The following CFAP45 variants were observed in gnomAD, a reference collection of about 807,000 sequenced individuals.
CFAP45 encodes cilia- and flagella-associated protein 45.
CFAP45 carries 43 observed loss-of-function variants against 75.6 expected under a neutral mutation model. The ratio of observed to expected loss-of-function variants is 0.57; its 90% CI spans 0.45 to 0.73. The LOEUF (loss-of-function observed/expected upper bound fraction) is 0.73. Among genes scored for constraint, CFAP45 ranks in the 30% least tolerant of loss-of-function variants. The pLI, the probability that CFAP45 is intolerant of heterozygous loss-of-function variation, is 0.00. For synonymous variants in CFAP45, 223 were observed against 244.6 expected (o/e 0.91, Z 0.82); for missense variants, 689 against 701.5 (o/e 0.98, Z 0.20).
At chr1:159,880,822 C>T (rs1488732346) in intron 7 of CFAP45, 122 bp from the exon 8 acceptor site, 3 of 821,828 alleles carry the variant, frequency 3.7e-6, no homozygotes, top group Non-Finnish European at 5.6e-6. Flanking sequence ...GTCTAGTGTC[C>T]ACAACTATCC....
chr1:159,873,126 C>G lies in CFAP45; in HGVS notation c.1395G>C (p.Glu465Asp). The G allele has an allele frequency of 1.9e-6, 3 of 1,614,136 alleles. No individual in the cohort carries two copies. Among genetic ancestry groups the G allele is most frequent in the South Asian group, 2.2e-5 (2 of 91,088 alleles). The change falls in exon 11 of 12, where the codon GAG (glutamate) becomes GAC (aspartate). Residue 465 changes from glutamate to aspartate, a missense_variant. Transcript: ENST00000368099. ...EQIEKERLEE[E>D]KKATGRLQHA... ...GCTGTAAGCGCCCTGTGGCCTTTTTCTCCTCCTCCAGCCGCTCCTTCTCAA... is the reference window on the plus strand; with the variant it reads ...GCTGTAAGCGCCCTGTGGCCTTTTTGTCCTCCTCCAGCCGCTCCTTCTCAA...
chr1:159,879,666 C>T (rs1446658635), intron 8 of CFAP45, among the ~76,000 whole-genome samples: 1 of 152,134 alleles, frequency 6.6e-6, no homozygotes, highest in Middle Eastern at 3.2e-3. Flanking sequence ...AAGTGAGCTT[C>T]GCTGAGCTTC....
intron 5 of CFAP45, 84 bp from the exon 6 acceptor site, chr1:159,886,773 G>T (rs1454839925): frequency 1.4e-5 from 15 of 1,106,024 alleles, no homozygotes; most frequent in Non-Finnish European, 1.9e-5. Flanking sequence ...ATGCTATACT[G>T]CTGAGCATGC....
In CFAP45 at chr1:159,893,322, A is replaced by G. The variant is rs764766344; in HGVS notation, c.4-17T>C. Reference sequence around the variant, plus strand: ...GCTTAGTGGCTGCAGGAAGAGGCAGAAAGTTTGGGTCATCAGTACTGAGTG... The same window carrying G: ...GCTTAGTGGCTGCAGGAAGAGGCAGGAAGTTTGGGTCATCAGTACTGAGTG... On this transcript the variant is annotated splice_polypyrimidine_tract_variant and intron_variant, in intron 1 of 11. Coordinates refer to ENST00000368099, the MANE Select transcript of CFAP45 (RefSeq NM_012337.3). 1 of 1,611,928 alleles carries G rather than the reference A, an allele frequency of 6.2e-7. No homozygotes were observed. The highest frequency in any genetic ancestry group is 8.5e-7 in the Non-Finnish European group (1 of 1,179,400).
intron 7 of CFAP45, 116 bp from the exon 8 acceptor site, chr1:159,880,816 AG>A (rs1269508001): frequency 1.1e-6 from 1 of 906,600 alleles, no homozygotes; most frequent in South Asian, 1.7e-5. Flanking sequence ...CCTGCAGTCT[AG>A]TGTCCACAAC....
intron 8 of CFAP45, among the ~76,000 whole-genome samples, 175 bp downstream of exon 8, chr1:159,880,379 C>A (rs1248130604): frequency 2.0e-5 from 3 of 152,208 alleles, no homozygotes; most frequent in African/African-American, 7.2e-5. Flanking sequence ...TGTTAACGAA[C>A]AAGTGGACTG....
Position 159,884,518 on chromosome 1 carries a change from C to A in CFAP45, c.815G>T (p.Arg272Leu), listed in dbSNP as rs41264829. ...VEQMEKNQEE[R>L]SLLAEQREQE... Reference sequence around the variant, plus strand: ...CTCCCGCTGCTCAGCAAGCAGCGATCGCTCCTCCTGGTTCTTTTCCATCTG... The same window carrying A: ...CTCCCGCTGCTCAGCAAGCAGCGATAGCTCCTCCTGGTTCTTTTCCATCTG... The change falls in exon 7 of 12, where the codon CGA becomes CTA. Residue 272 changes from arginine (R) to leucine (L), a missense_variant. Coordinates refer to ENST00000368099, the MANE Select transcript of CFAP45 (RefSeq NM_012337.3). The A allele has an allele frequency of 2.4e-5, 38 of 1,613,666 alleles. No individual in the cohort carries two copies. In the East Asian group the frequency reaches 8.5e-4, roughly 36 times the overall value.
chr1:159,884,977 G>A (rs1298631924), intron 6 of CFAP45, among the ~76,000 whole-genome samples: 1 of 152,096 alleles, frequency 6.6e-6, no homozygotes, highest in Non-Finnish European at 1.5e-5. Flanking sequence ...ACAAACCCAG[G>A]GTGTACAAGC....
In CFAP45 at chr1:159,873,119, C is replaced by A. The variant is rs1383072854; in HGVS notation, c.1402G>T (p.Ala468Ser). ...EKERLEEEKK[A>S]TGRLQHANEL... is the part of the protein sequence containing the mutation. ...TTGGCATGCTGTAAGCGCCCTGTGG[C>A]CTTTTTCTCCTCCTCCAGCCGCTCC... is the stretch of plus-strand genomic sequence containing the variant. The change falls in exon 11 of 12, where the codon GCC (alanine) becomes TCC (serine). Residue 468 changes from alanine (A) to serine (S), a missense_variant. Physicochemically the swap from Ala to Ser is moderately conservative, Grantham distance 99. Coordinates refer to ENST00000368099, the MANE Select transcript of CFAP45 (RefSeq NM_012337.3). 3 of 1,614,022 alleles carry A rather than the reference C, an allele frequency of 1.9e-6. No homozygotes were observed. The highest frequency in any genetic ancestry group is 2.5e-6 in the Non-Finnish European group (3 of 1,180,042).
intron 8 of CFAP45, among the ~76,000 whole-genome samples, chr1:159,878,750 A>G (rs866891272): frequency 8.1e-6 from 1 of 124,124 alleles, no homozygotes; most frequent in African/African-American, 3.2e-5. Context: ...GCAAGACTAC[A>G]TCTAAAAAAA....
intron 7 of CFAP45, among the ~76,000 whole-genome samples, chr1:159,883,622 A>AT (rs1216918018): frequency 1.1e-3 from 22 of 20,620 alleles, no homozygotes; most frequent in African/African-American, 4.5e-3. Flanking sequence ...TTTAACAATA[A>AT]AATATATATA....
intron 10 of CFAP45, among the ~76,000 whole-genome samples, chr1:159,875,950 C>T (rs1323289668): frequency 2.0e-5 from 3 of 152,220 alleles, no homozygotes; most frequent in Non-Finnish European, 2.9e-5. Context: ...GGATAAATAG[C>T]TACCAAGGAA....
At chr1:159,897,886 CA>C (rs945208383) in intron 1 of CFAP45, among the ~76,000 whole-genome samples, 1 of 151,926 alleles carries the variant, frequency 6.6e-6, no homozygotes, top group Non-Finnish European at 1.5e-5. Context: ...AACAAACAAA[CA>C]AAAAAACCAT....
At chr1:159,881,398 T>C (rs1649547322) in intron 7 of CFAP45, among the ~76,000 whole-genome samples, 1 of 152,210 alleles carries the variant, frequency 6.6e-6, no homozygotes, top group Admixed American at 6.5e-5. Context: ...CATTTCTAAA[T>C]TCTCTCTGCA....
intron 1 of CFAP45, among the ~76,000 whole-genome samples, chr1:159,896,591 C>G (rs944180311): frequency 5.9e-5 from 9 of 152,224 alleles, no homozygotes; most frequent in African/African-American, 2.2e-4. Flanking sequence ...GGCTGGTTTT[C>G]TTCTTTGCAT....
intron 1 of CFAP45, among the ~76,000 whole-genome samples, chr1:159,898,845 G>T (rs79497217): frequency 1.5e-4 from 23 of 152,074 alleles, no homozygotes; most frequent in Admixed American, 1.5e-3. Flanking sequence ...GAAAGGGGAC[G>T]CTCCCCCACC....
At position 159,873,184 on chromosome 1, in the gene CFAP45, A is replaced by T; in HGVS notation, c.1353-16T>A. 1 of 1,609,716 alleles carries T rather than the reference A, an allele frequency of 6.2e-7. No homozygotes were observed. Among genetic ancestry groups the T allele is most frequent in the Non-Finnish European group, 8.5e-7 (1 of 1,177,310 alleles). On this transcript the variant is annotated splice_polypyrimidine_tract_variant and intron_variant, in intron 10 of 11. Coordinates refer to ENST00000368099, the MANE Select transcript of CFAP45 (RefSeq NM_012337.3). ...TCTCTGAGCCCTGGGGGAGGGAAAC[A>T]GGAATGGAATGAACTCAGCTGAGCT... is the stretch of plus-strand genomic sequence containing the variant.
At position 159,888,287 on chromosome 1, in the gene CFAP45, G is replaced by C. The variant is rs902743819; in HGVS notation, c.417+65C>G. On this transcript the variant is annotated intron_variant, in intron 4 of 11. Transcript: ENST00000368099. ...CTCATTTCAGGGTCCCCTGATGAGA[G>C]TTCCCCAGTGCATTTTGATTCTGCC... 3.3e-5 allele frequency: 51 copies of C among 1,525,548 alleles called. No homozygotes were observed. The Admixed American group carries it at 9.1e-4, about 27-fold the overall frequency. The allele number at this position is 1,525,548 out of a possible 1,614,324, so 94.5% of individuals were successfully genotyped here. A position where few individuals can be genotyped will look rare whatever the true frequency, so the allele number is the denominator to read the frequency against.
At chr1:159,879,363 C>T (rs1295382800) in intron 8 of CFAP45, among the ~76,000 whole-genome samples, 7 of 152,300 alleles carry the variant, frequency 4.6e-5, no homozygotes, top group South Asian at 4.1e-4. Context: ...TGGTTGAGTT[C>T]CAATGGTACA....
Sources: gnomAD v4.1 joint callset for allele counts (sites outside exome capture counted in the v4.1 genomes callset) on GRCh38, gnomAD v4.1.1 for gene constraint, MANE v1.5 for transcripts, NCBI Gene and HGNC (gene_info 2026-07-23, HGNC 2026-07-21) for gene names.